Variants in CDK14 observed in about 807,000 individuals in gnomAD.
The protein encoded by CDK14 is cyclin dependent kinase 14, also known as cyclin-dependent kinase 14.
Under a neutral mutation model 60.7 loss-of-function variants are expected in CDK14, and 34 were observed. The ratio of observed to expected loss-of-function variants is 0.56; its 90% CI spans 0.43 to 0.75. The LOEUF is 0.75. CDK14 is among the 30% of genes least tolerant of loss of function. CDK14 has a pLI of 0.00. For missense variants in CDK14, 482 were observed against 564.1 expected (o/e 0.85, Z 1.47); for synonymous variants, 197 against 203.7 (o/e 0.97, Z 0.28).
At chr7:90,942,576 G>A (rs1793967773) in intron 8 of CDK14, among the ~76,000 whole-genome samples, 1 of 152,152 alleles carries the variant, frequency 6.6e-6, no homozygotes, top group Non-Finnish European at 1.5e-5. Context: ...AGGATGAATA[G>A]CTTTCAGCAC....
At chr7:90,819,628 T>A (rs991226394) in intron 5 of CDK14, among the ~76,000 whole-genome samples, 2 of 152,158 alleles carry the variant, frequency 1.3e-5, no homozygotes, top group Non-Finnish European at 2.9e-5. Context: ...ACTTGAAGAT[T>A]TTAAATCATG....
chr7:90,763,208 G>A (rs967788463), intron 4 of CDK14, among the ~76,000 whole-genome samples: 13 of 152,172 alleles, frequency 8.5e-5, no homozygotes, highest in African/African-American at 2.9e-4. Context: ...CACTATGGTG[G>A]TTGTGACTTC....
intron 7 of CDK14, among the ~76,000 whole-genome samples, chr7:90,904,737 A>G (rs957330349): frequency 7.2e-5 from 11 of 152,300 alleles, no homozygotes; most frequent in Admixed American, 3.3e-4. Flanking sequence ...TGCCTAGATC[A>G]TTTAAAAAAT....
At chr7:90,643,380 A>C (rs564431580) in intron 2 of CDK14, among the ~76,000 whole-genome samples, 3 of 152,268 alleles carry the variant, frequency 2.0e-5, no homozygotes, top group African/African-American at 7.2e-5. Flanking sequence ...GTTAAATGTT[A>C]CTTTTAAGAC....
chr7:91,163,692 T>A (rs558775752), intron 14 of CDK14, among the ~76,000 whole-genome samples: 4 of 152,286 alleles, frequency 2.6e-5, no homozygotes, highest in African/African-American at 9.6e-5. Context: ...GTGCAGTAGA[T>A]CTCAAAACTT....
intron 5 of CDK14, among the ~76,000 whole-genome samples, chr7:90,803,978 G>A (rs904204814): frequency 2.0e-5 from 3 of 152,172 alleles, no homozygotes; most frequent in African/African-American, 7.2e-5. Flanking sequence ...CACATGATAG[G>A]CACTCAGGGT....
In CDK14 at chr7:91,192,310, C is replaced by T. The variant is rs146962517; in HGVS notation, c.*29-14855C>T. Among the ~76,000 whole-genome samples the T allele has an allele frequency of 6.6e-4, 101 of 152,250 alleles. 4 individuals are homozygous for T. In the East Asian group the frequency reaches 0.015, roughly 23 times the overall value. Reference sequence around the variant, plus strand: ...AGCAGATAGAAAACCATGAGTTGCTCTTCTAATGATCAGAAAAACACTCAT... The same window carrying T: ...AGCAGATAGAAAACCATGAGTTGCTTTTCTAATGATCAGAAAAACACTCAT... On this transcript the variant is annotated intron_variant, in intron 14 of 14. Transcript: ENST00000380050.
chr7:90,646,872 A>G (rs188179560), intron 2 of CDK14, among the ~76,000 whole-genome samples: 1 of 152,280 alleles, frequency 6.6e-6, no homozygotes, highest in Admixed American at 6.5e-5. Context: ...TAGTTTTGTT[A>G]ACAACTAAAT....
At chr7:91,059,918 G>C (rs1797724071) in intron 11 of CDK14, among the ~76,000 whole-genome samples, 1 of 152,162 alleles carries the variant, frequency 6.6e-6, no homozygotes, top group Non-Finnish European at 1.5e-5. Context: ...ATGTCTATTA[G>C]GTCTGCTTGG....
At chr7:91,154,173 T>C (rs1418075665) in intron 14 of CDK14, among the ~76,000 whole-genome samples, 1 of 152,122 alleles carries the variant, frequency 6.6e-6, no homozygotes, top group Non-Finnish European at 1.5e-5. Context: ...CTTTGCTTTT[T>C]TTTTTTAAAC....
At chr7:90,940,456 A>T (rs1167297595) in intron 8 of CDK14, among the ~76,000 whole-genome samples, 1 of 152,136 alleles carries the variant, frequency 6.6e-6, no homozygotes, top group African/African-American at 2.4e-5. Context: ...ACAATGTCAC[A>T]ATGAATCTCC....
In CDK14 at chr7:90,766,479, G is replaced by A. The variant is rs1334972844; in HGVS notation, c.464+18704G>A. On this transcript the variant is annotated intron_variant, in intron 4 of 14. Transcript: ENST00000380050. ...GATAATACAATTTCCCTTATTTTAC[G>A]GGTGAAGAAACTGAGACCCATAAAG... 2.0e-5 allele frequency among the ~76,000 whole-genome samples: 3 copies of A among 152,100 alleles called. No homozygotes were observed. In the East Asian group the frequency reaches 5.8e-4, roughly 29 times the overall value.
intron 11 of CDK14, among the ~76,000 whole-genome samples, chr7:91,055,604 G>T (rs1237490326): frequency 6.6e-6 from 1 of 152,032 alleles, no homozygotes; most frequent in African/African-American, 2.4e-5. Context: ...ATTTATTTTG[G>T]GAGTTATTCA....
chr7:91,124,996 C>T (rs999735729), intron 14 of CDK14, among the ~76,000 whole-genome samples: 2 of 152,036 alleles, frequency 1.3e-5, no homozygotes, highest in Non-Finnish European at 2.9e-5. Context: ...ACTAGACAGT[C>T]TTTGTGGTCT....
intron 14 of CDK14, among the ~76,000 whole-genome samples, chr7:91,150,534 A>G (rs544030353): frequency 6.6e-6 from 1 of 152,334 alleles, no homozygotes; most frequent in East Asian, 1.9e-4. Flanking sequence ...ACCCAAACAT[A>G]TATAGGATCA....
intron 14 of CDK14, among the ~76,000 whole-genome samples, chr7:91,118,849 T>C (rs1799692983): frequency 6.6e-6 from 1 of 152,116 alleles, no homozygotes; most frequent in Non-Finnish European, 1.5e-5. Flanking sequence ...CTTTGTCCTC[T>C]ACTATTGTGC....
chr7:90,849,670 C>T (rs1265898821), intron 5 of CDK14, among the ~76,000 whole-genome samples: 2 of 151,930 alleles, frequency 1.3e-5, no homozygotes, highest in Non-Finnish European at 1.5e-5. Flanking sequence ...TCGTGAAGCA[C>T]AGGATGGCAG....
At chr7:90,840,496 A>C (rs531701065) in intron 5 of CDK14, among the ~76,000 whole-genome samples, 40 of 152,338 alleles carry the variant, frequency 2.6e-4, no homozygotes, top group African/African-American at 9.4e-4. Context: ...ATGTATTAAG[A>C]TTTAGGTAAG....
At chr7:91,013,804 G>A (rs760664935) in intron 10 of CDK14, among the ~76,000 whole-genome samples, 1 of 151,936 alleles carries the variant, frequency 6.6e-6, no homozygotes, top group Non-Finnish European at 1.5e-5. Context: ...GAGGGAACAT[G>A]TAATGAAGAC....
Sources: allele counts gnomAD v4.1 joint callset (sites outside exome capture counted in the v4.1 genomes callset), GRCh38; gene constraint gnomAD v4.1.1; transcripts MANE v1.5; gene names NCBI Gene and HGNC (gene_info 2026-07-23, HGNC 2026-07-21).